Variants in GOLGA4 observed in about 807,000 individuals in gnomAD.
GOLGA4 encodes the protein golgin A4, also known as golgin subfamily A member 4.
In GOLGA4, 169 loss-of-function variants were observed where a neutral mutation model predicts 265.9. The observed-to-expected ratio is 0.64, with a 90% CI of 0.56 to 0.72. The LOEUF (loss-of-function observed/expected upper bound fraction) is 0.72, where lower values mean the gene tolerates loss of function less well. Among genes scored for constraint, GOLGA4 ranks in the 30% least tolerant of loss-of-function variants. The pLI is 0.00. For missense variants in GOLGA4, 2,482 were observed against 2,483.4 expected (o/e 1.00, Z 0.01); for synonymous variants, 923 against 855.8 (o/e 1.08, Z -1.37).
intron 10 of GOLGA4, among the ~76,000 whole-genome samples, chr3:37,306,150 A>G (rs2096905466): frequency 6.6e-6 from 1 of 152,204 alleles, no homozygotes; most frequent in Non-Finnish European, 1.5e-5. Context: ...ATCAACCTGC[A>G]GTTCTTAAAT....
intron 2 of GOLGA4, among the ~76,000 whole-genome samples, chr3:37,281,203 A>C (rs2096833753): frequency 6.6e-6 from 1 of 152,220 alleles, no homozygotes; most frequent in Non-Finnish European, 1.5e-5. Flanking sequence ...ATTCCAATTA[A>C]TTAGGAGAAC....
intron 20 of GOLGA4, among the ~76,000 whole-genome samples, chr3:37,344,190 C>T (rs1057222275): frequency 6.6e-6 from 1 of 152,226 alleles, no homozygotes; most frequent in Non-Finnish European, 1.5e-5. Flanking sequence ...GGACCTCTGC[C>T]TCCTGGGTTC....
Position 37,321,752 on chromosome 3 carries a change from T to C in GOLGA4, c.1567T>C (p.Leu523=), listed in dbSNP as rs745564659. 5.3e-5 allele frequency: 85 copies of C among 1,608,774 alleles called. No homozygotes were observed. Among genetic ancestry groups the C allele is most frequent in the Non-Finnish European group, 6.7e-5 (79 of 1,178,822 alleles). Reference sequence around the variant, plus strand: ...ACAGGAAAAGAGTCAATCAGAATATTTGAAGATCAGCCAAGAAAAAGAACA... The same window carrying C: ...ACAGGAAAAGAGTCAATCAGAATATCTGAAGATCAGCCAAGAAAAAGAACA... ...VALEKSQSEY[L]KISQEKEQQE... The change falls in exon 13 of 24, where the codon TTG becomes CTG. Residue 523 remains leucine (L), a synonymous_variant. Coordinates refer to ENST00000361924, the MANE Select transcript of GOLGA4 (RefSeq NM_002078.5).
intron 10 of GOLGA4, among the ~76,000 whole-genome samples, chr3:37,314,648 C>G (rs2096932336): frequency 7.2e-6 from 1 of 138,360 alleles, no homozygotes; most frequent in Non-Finnish European, 1.5e-5. Flanking sequence ...CTCAAACACA[C>G]ACACACACAC....
In GOLGA4 at chr3:37,315,475, G is replaced by C; in HGVS notation, c.1290G>C (p.Arg430=). The C allele has an allele frequency of 2.5e-6, 4 of 1,614,026 alleles. No individual in the cohort carries two copies. The highest frequency in any genetic ancestry group is 3.4e-6 in the Non-Finnish European group (4 of 1,179,938). ...CAGCCCAAAAAACAGAGGAAGCACG[G>C]AGAAAACTGAAGGCAGAAATGGATG... ...LSTAQKTEEA[R]RKLKAEMDEQ... Residue 430 remains arginine, a synonymous_variant, in exon 11 of 24, where the codon CGG becomes CGC. Coordinates refer to ENST00000361924, the MANE Select transcript of GOLGA4 (RefSeq NM_002078.5).
At chr3:37,273,688 A>G (rs969743910) in intron 2 of GOLGA4, 4 of 734,606 alleles carry the variant, frequency 5.4e-6, no homozygotes, top group Non-Finnish European at 9.6e-6. Flanking sequence ...CTGACTTTAC[A>G]TTGAAATGGT....
chr3:37,355,054 TATATGC>T (rs768258301), intron 21 of GOLGA4, 41 bp from the exon 22 acceptor site: 1 of 1,087,444 alleles, frequency 9.2e-7, no homozygotes, highest in South Asian at 1.2e-5. Context: ...GTTGAGACTT[TATATGC>T]TTCACTGTCT....
At chr3:37,258,349 G>A (rs1262163979) in intron 2 of GOLGA4, among the ~76,000 whole-genome samples, 2 of 148,738 alleles carry the variant, frequency 1.3e-5, no homozygotes, top group Admixed American at 1.3e-4. Context: ...TATATGCTCT[G>A]TATATATATG....
At chr3:37,309,872 C>T (rs1365519448) in intron 10 of GOLGA4, among the ~76,000 whole-genome samples, 3 of 152,194 alleles carry the variant, frequency 2.0e-5, no homozygotes, top group Admixed American at 2.0e-4. Flanking sequence ...GTCTCAAGAC[C>T]CCAGGATCTT....
intron 10 of GOLGA4, among the ~76,000 whole-genome samples, chr3:37,307,960 G>A (rs1406427933): frequency 1.3e-5 from 2 of 152,154 alleles, no homozygotes; most frequent in African/African-American, 4.8e-5. Context: ...GGGGCTGGGC[G>A]CGGTGGCTCA....
intron 2 of GOLGA4, among the ~76,000 whole-genome samples, chr3:37,256,853 T>C (rs950873603): frequency 2.0e-5 from 3 of 152,102 alleles, no homozygotes; most frequent in Non-Finnish European, 4.4e-5. Flanking sequence ...AGCGATAGGG[T>C]ATCACTATGT....
intron 20 of GOLGA4, 63 bp from the exon 21 acceptor site, chr3:37,347,130 A>T: frequency 1.1e-6 from 1 of 914,256 alleles, no homozygotes; most frequent in East Asian, 2.5e-5. Flanking sequence ...ATCTATTTTT[A>T]TAAGTAATAA....
At chr3:37,345,014 A>G (rs2151032766) in intron 20 of GOLGA4, among the ~76,000 whole-genome samples, 1 of 152,254 alleles carries the variant, frequency 6.6e-6, no homozygotes, top group East Asian at 1.9e-4. Context: ...CAGGAGTTTG[A>G]GACTAACCTG....
chr3:37,321,935 A>G (rs1352578349), intron 13 of GOLGA4, 49 bp downstream of exon 13: 2 of 1,487,672 alleles, frequency 1.3e-6, no homozygotes, highest in Non-Finnish European at 9.2e-7. Flanking sequence ...TTATTTGCAT[A>G]TGAAAATTTG....
intron 23 of GOLGA4, among the ~76,000 whole-genome samples, chr3:37,365,432 A>AT (rs1427445621): frequency 2.6e-5 from 4 of 151,904 alleles, no homozygotes; most frequent in Non-Finnish European, 4.4e-5. Context: ...CGGCCGGCTA[A>AT]TTTTTTTGTA....
Position 37,340,160 on chromosome 3 carries a change from A to G in GOLGA4, c.6433A>G (p.Lys2145Glu). The G allele has an allele frequency of 7.0e-7, 1 of 1,434,204 alleles. No homozygotes were observed. Among genetic ancestry groups the G allele is most frequent in the Non-Finnish European group, 9.7e-7 (1 of 1,029,812 alleles). 88.8% of individuals were successfully genotyped at this position (1,434,204 alleles called of 1,614,324 possible). Residue 2145 changes from lysine to glutamate, a missense_variant, in exon 20 of 24, where the codon AAG becomes GAG. Lys to Glu is a moderately conservative substitution (Grantham distance 56). This residue lies in a region of GOLGA4 where 942 missense variants were observed against 983.1 expected (regional missense o/e 0.96). Coordinates refer to ENST00000361924, the MANE Select transcript of GOLGA4 (RefSeq NM_002078.5). ...NLEDRLKKYE[K>E]NVYATTVGTP... ...AGAAGACCGTTTGAAGAAATATGAA[A>G]AGAATGTATATGCAACAACTGTGGG...
chr3:37,297,416 A>G (rs918183718), intron 7 of GOLGA4, among the ~76,000 whole-genome samples: 1 of 152,188 alleles, frequency 6.6e-6, no homozygotes, highest in Non-Finnish European at 1.5e-5. Flanking sequence ...AACTCCTCTC[A>G]GAAAGAGATT....
Position 37,327,161 on chromosome 3 carries a change from AAAG to A in GOLGA4, c.5280_5282del (p.Glu1761del). The A allele has an allele frequency of 6.2e-7, 1 of 1,613,916 alleles. No individual in the cohort carries two copies. Among genetic ancestry groups the A allele is most frequent in the Non-Finnish European group, 8.5e-7 (1 of 1,179,862 alleles). On this transcript the variant is annotated inframe_deletion, in exon 14 of 24. Coordinates refer to ENST00000361924, the MANE Select transcript of GOLGA4 (RefSeq NM_002078.5). ...GCTATTGCAGAGGGTAGGGCAGGAAAAAGAAGAGACAGTTTCTTCTCATTTTGA... is the reference window on the plus strand; with the variant it reads ...GCTATTGCAGAGGGTAGGGCAGGAAAAAGAGACAGTTTCTTCTCATTTTGA...
chr3:37,284,621 C>T lies in GOLGA4; in HGVS notation c.478-1393C>T, dbSNP rs1035074091. Among the ~76,000 whole-genome samples, 17 of 148,924 alleles carry T rather than the reference C, an allele frequency of 1.1e-4. No homozygotes were observed. The East Asian group carries it at 3.0e-3, about 26-fold the overall frequency. On this transcript the variant is annotated intron_variant, in intron 3 of 23. Transcript: ENST00000361924. The stretch of plus-strand genomic sequence containing the variant: ...AGATTCCTGGTCTTAGGCAGAATTT[C>T]GTTTTTTATATTCTTTGTTGCTAGA...
Sources: allele counts gnomAD v4.1 joint callset (sites outside exome capture counted in the v4.1 genomes callset), GRCh38; gene constraint gnomAD v4.1.1; regional missense constraint gnomAD v4.1.1; transcripts MANE v1.5; gene names NCBI Gene and HGNC (gene_info 2026-07-23, HGNC 2026-07-21).